The following RELN variants were observed in gnomAD, a reference collection of about 807,000 sequenced individuals.
RELN encodes the protein reelin.
Under a neutral mutation model 427.6 loss-of-function variants are expected in RELN, and 108 were observed. The observed-to-expected ratio is 0.25, with a 90% CI of 0.22 to 0.30. RELN has a LOEUF of 0.30. Ranked by LOEUF, RELN falls within the 10% of genes least tolerant of loss-of-function variation. The pLI is 1.00. For missense variants in RELN, 3,715 were observed against 4,302.8 expected, an observed-to-expected ratio of 0.86 and a Z score of 3.82; for synonymous variants, 1,524 against 1,513.4, an observed-to-expected ratio of 1.01 and a Z score of -0.16.
chr7:103,722,059 C>T (rs1790089471), intron 8 of RELN, among the ~76,000 whole-genome samples: 1 of 152,174 alleles, frequency 6.6e-6, no homozygotes, highest in African/African-American at 2.4e-5. Context: ...CTTATGATCA[C>T]ACATGGACTT....
intron 3 of RELN, among the ~76,000 whole-genome samples, chr7:103,817,619 A>C (rs901667526): frequency 2.0e-5 from 3 of 152,204 alleles, no homozygotes; most frequent in Non-Finnish European, 4.4e-5. Context: ...AGTTATATTT[A>C]CATTAAAATT....
At chr7:103,865,152 A>AAAAG (rs1443175070) in intron 2 of RELN, among the ~76,000 whole-genome samples, 7 of 149,378 alleles carry the variant, frequency 4.7e-5, no homozygotes, top group East Asian at 4.0e-4. Flanking sequence ...AAAAAAAAAA[A>AAAAG]AAAGAAAGAA....
intron 11 of RELN, among the ~76,000 whole-genome samples, chr7:103,668,799 A>G (rs547944071): frequency 1.3e-5 from 2 of 152,174 alleles, no homozygotes; most frequent in African/African-American, 4.8e-5. Flanking sequence ...TGCTTGCTCC[A>G]TTTATCCCAA....
chr7:103,773,035 AC>A (rs1791608771), intron 4 of RELN, among the ~76,000 whole-genome samples: 1 of 152,166 alleles, frequency 6.6e-6, no homozygotes, highest in African/African-American at 2.4e-5. Flanking sequence ...CAAAGGAGGC[AC>A]TGCTGGGCCC....
chr7:103,843,671 G>C (rs113327374), intron 2 of RELN, among the ~76,000 whole-genome samples: 3 of 152,070 alleles, frequency 2.0e-5, no homozygotes, highest in Non-Finnish European at 4.4e-5. Flanking sequence ...TTGTCCTCTT[G>C]GTAGACACAT....
Position 103,824,635 on chromosome 7 carries a change from T to TGTGTGTGTGTGTGTGG in RELN, c.473+8901_473+8902insCCACACACACACACAC, listed in dbSNP as rs1308873388. Reference sequence around the variant, plus strand: ...ACTTTCTTTCAAAACAGAGTGTGTGTGTGTGTGTGTGTGTGTGTGTGTGTG... The same window carrying TGTGTGTGTGTGTGTGG: ...ACTTTCTTTCAAAACAGAGTGTGTGTGTGTGTGTGTGTGTGGGTGTGTGTGTGTGTGTGTGTGTGTG... On this transcript the variant is annotated intron_variant, in intron 3 of 64. Coordinates refer to ENST00000428762, the MANE Select transcript of RELN (RefSeq NM_005045.4). This position sits in a 1 kb window ranked among gnomAD's most constrained non-coding sequence, Gnocchi z 4.4. Among the ~76,000 whole-genome samples the TGTGTGTGTGTGTGTGG allele has an allele frequency of 2.2e-5, 2 of 88,986 alleles. No homozygotes were observed. Among genetic ancestry groups the TGTGTGTGTGTGTGTGG allele is most frequent in the African/African-American group, 8.9e-5 (2 of 22,536 alleles). 58.4% of individuals were successfully genotyped at this position (88,986 alleles called of 152,430 possible).
intron 2 of RELN, among the ~76,000 whole-genome samples, chr7:103,873,030 T>C (rs550330690): frequency 1.3e-4 from 20 of 152,026 alleles, no homozygotes; most frequent in Admixed American, 7.2e-4. Flanking sequence ...GCAATCAAAC[T>C]AGAACTCAGG....
rs1830456753 is a variant in RELN, at chr7:103,553,513, G to T, written c.6020C>A (p.Ser2007Tyr). ...VFVSNEVGEH[S>Y]ITTRDLNVNE... ...CACATTTAGGTCACGGGTGGTAATGGAATGCTCACCAACTTCATTTGAAAC... is the reference window on the plus strand; with the variant it reads ...CACATTTAGGTCACGGGTGGTAATGTAATGCTCACCAACTTCATTTGAAAC... The change falls in exon 40 of 65, where the codon TCC becomes TAC. Residue 2007 changes from serine to tyrosine, a missense_variant. Physicochemically the swap from Ser to Tyr is moderately radical, Grantham distance 144. Around this residue, in one of 4 missense-constraint regions of RELN, gnomAD observed 1,310 missense variants for 1,643.0 expected, o/e 0.80. Coordinates refer to ENST00000428762, the MANE Select transcript of RELN (RefSeq NM_005045.4). The T allele has an allele frequency of 1.2e-6, 2 of 1,614,034 alleles. No individual in the cohort carries two copies.
In RELN at chr7:103,551,279, C is replaced by T. The variant is rs758577685; in HGVS notation, c.6090G>A (p.Ser2030=). 6.2e-6 allele frequency: 10 copies of T among 1,613,538 alleles called. No homozygotes were observed. Among genetic ancestry groups the T allele is most frequent in the East Asian group, 2.2e-5 (1 of 44,860 alleles). The change falls in exon 41 of 65, where the codon TCG becomes TCA. Residue 2030 remains serine (S), a synonymous_variant. Coordinates refer to ENST00000428762, the MANE Select transcript of RELN (RefSeq NM_005045.4). ...IIQFEINVGC[S]TDSSSADPVR... ...CTGGATCCGCGGATGAGCTATCAGT[C>T]GAACAGCCAACGTTGATCTTGGGGA... is the stretch of plus-strand genomic sequence containing the variant.
chr7:103,492,739 G>A (rs1828712361), intron 57 of RELN, among the ~76,000 whole-genome samples: 1 of 152,170 alleles, frequency 6.6e-6, no homozygotes, highest in Non-Finnish European at 1.5e-5. Context: ...TAATGCTGTG[G>A]TGCTTCAAAG....
At chr7:103,601,364 G>T (rs931757103) in intron 24 of RELN, among the ~76,000 whole-genome samples, 25 of 152,148 alleles carry the variant, frequency 1.6e-4, no homozygotes, top group African/African-American at 5.8e-4. Flanking sequence ...CTCCTTTCCT[G>T]ATTTTCTATA....
At chr7:103,878,142 C>T (rs1310972000) in intron 2 of RELN, among the ~76,000 whole-genome samples, 4 of 152,118 alleles carry the variant, frequency 2.6e-5, no homozygotes, top group African/African-American at 7.2e-5. Context: ...CAGGCGTGAG[C>T]AACTGTGCCC....
chr7:103,818,723 A>G (rs764661049), intron 3 of RELN, among the ~76,000 whole-genome samples: 6 of 152,176 alleles, frequency 3.9e-5, no homozygotes, highest in Non-Finnish European at 7.4e-5. Context: ...TAAACAGATT[A>G]TAATACATCC....
intron 60 of RELN, 96 bp from the exon 61 acceptor site, chr7:103,486,512 A>C: frequency 1.0e-6 from 1 of 961,674 alleles, no homozygotes; most frequent in Non-Finnish European, 1.6e-6. Flanking sequence ...AGTAGTTGTT[A>C]CTGTAAGAAT....
At chr7:103,483,004 A>C (rs775166255) in intron 62 of RELN, 33 bp from the exon 63 acceptor site, 1 of 1,570,414 alleles carries the variant, frequency 6.4e-7, no homozygotes, top group African/African-American at 1.4e-5. Flanking sequence ...AAGAAGTTAT[A>C]CATTAGGAAA....
intron 8 of RELN, among the ~76,000 whole-genome samples, chr7:103,716,911 G>A (rs1789952163): frequency 6.6e-6 from 1 of 152,196 alleles, no homozygotes; most frequent in Middle Eastern, 3.4e-3. Flanking sequence ...AGACCATTTG[G>A]TCTACATCAA....
rs371541097 is a variant in RELN, at chr7:103,498,805, A to ACTT, written c.8668-556_8668-554dup. Among the ~76,000 whole-genome samples, 687 of 139,392 alleles carry ACTT rather than the reference A, an allele frequency of 4.9e-3. 5 individuals are homozygous for ACTT. Among genetic ancestry groups the ACTT allele is most frequent in the African/African-American group, 0.02 (652 of 33,244 alleles). The allele number at this position is 139,392 out of a possible 152,430, so 91.4% of individuals were successfully genotyped here. A position where few individuals can be genotyped will look rare whatever the true frequency, so the allele number is the denominator to read the frequency against. On this transcript the variant is annotated intron_variant, in intron 53 of 64. Coordinates refer to ENST00000428762, the MANE Select transcript of RELN (RefSeq NM_005045.4). ...CCATGCCTGGCCATATTATAGTAAC[A>ACTT]CTTCTATTTGTAAAAAGTTAGTTAG...
At chr7:103,733,691 CA>C (rs1273433444) in intron 6 of RELN, among the ~76,000 whole-genome samples, 3 of 137,518 alleles carry the variant, frequency 2.2e-5, no homozygotes, top group Non-Finnish European at 3.2e-5. Flanking sequence ...ATCTCAAGAA[CA>C]AAAAACCAAA....
chr7:103,952,554 TTCTC>T (rs145303514), intron 1 of RELN, among the ~76,000 whole-genome samples: 8 of 149,928 alleles, frequency 5.3e-5, no homozygotes, highest in East Asian at 3.9e-4. Flanking sequence ...CTCTCACTCT[TTCTC>T]TCTCTCTCTC....
Sources: gnomAD v4.1 joint callset for allele counts (sites outside exome capture counted in the v4.1 genomes callset) on GRCh38, gnomAD v4.1.1 for gene constraint, gnomAD v4.1.1 regional missense constraint, Gnocchi (gnomAD v3.1) non-coding constraint, MANE v1.5 for transcripts, NCBI Gene and HGNC (gene_info 2026-07-23, HGNC 2026-07-21) for gene names.